EPC1: variants seen among roughly 807,000 people sequenced by gnomAD.
EPC1 encodes the protein enhancer of polycomb homolog 1.
EPC1 carries 12 observed loss-of-function variants against 98.4 expected under a neutral mutation model. That is an observed-to-expected ratio of 0.12 (90% CI 0.08 to 0.20). EPC1 has a LOEUF of 0.20. Ranked by LOEUF, EPC1 falls within the 10% of genes least tolerant of loss-of-function variation. EPC1 has a pLI of 1.00. For missense variants in EPC1, 729 were observed against 990.5 expected, an observed-to-expected ratio of 0.74 and a Z score of 3.54; for synonymous variants, 357 against 363.9, an observed-to-expected ratio of 0.98 and a Z score of 0.21.
intron 1 of EPC1, among the ~76,000 whole-genome samples, chr10:32,356,681 C>A (rs190780830): frequency 1.3e-5 from 2 of 152,132 alleles, no homozygotes; most frequent in Non-Finnish European, 2.9e-5. Context: ...GTGGTGCCTG[C>A]GCACGTTGAT....
At chr10:32,327,269 T>C (rs756487229) in intron 1 of EPC1, among the ~76,000 whole-genome samples, 2 of 152,174 alleles carry the variant, frequency 1.3e-5, no homozygotes, top group African/African-American at 4.8e-5. Context: ...TCATAGAAGT[T>C]GAGGGAAGAA....
upstream of EPC1, chr10:32,347,225 G>A (rs1004321055): frequency 6.5e-6 from 8 of 1,224,260 alleles, no homozygotes; most frequent in African/African-American, 1.6e-5. Flanking sequence ...ACGCGGGCGG[G>A]GGGAGGGAGC....
chr10:32,377,392 C>G (rs1839891895), intron 1 of EPC1: 1 of 152,154 alleles, frequency 6.6e-6, no homozygotes, highest in Non-Finnish European at 1.5e-5. Flanking sequence ...TGAAAATACA[C>G]TAACACATAT....
chr10:32,286,754 G>T lies in EPC1; in HGVS notation c.1331C>A (p.Thr444Asn). 1 of 1,614,110 alleles carries T rather than the reference G, an allele frequency of 6.2e-7. No homozygotes were observed. Among genetic ancestry groups the T allele is most frequent in the Non-Finnish European group, 8.5e-7 (1 of 1,180,024 alleles). The change falls in exon 9 of 14, where the codon ACT becomes AAT. Residue 444 changes from threonine to asparagine, a missense_variant. By Grantham distance (65) the Thr-to-Asn change is moderately conservative (BLOSUM62 0). Transcript: ENST00000319778. ...AATACACCTTTGGGGTACGGTGAGA[G>T]TAGTTAAGCAGTATCTATATCGCAC... ...GDVRYRYCLT[T>N]LTVPQRCIGF...
At chr10:32,298,244 A>C (rs956042298) in intron 2 of EPC1, among the ~76,000 whole-genome samples, 1 of 152,234 alleles carries the variant, frequency 6.6e-6, no homozygotes, top group African/African-American at 2.4e-5. Flanking sequence ...ATAGAGATGG[A>C]ATGTAAGTGT....
chr10:32,275,219 A>G (rs548102582), intron 10 of EPC1, among the ~76,000 whole-genome samples: 37 of 152,264 alleles, frequency 2.4e-4, no homozygotes, highest in Non-Finnish European at 5.0e-4. Flanking sequence ...TTAGAAATCA[A>G]TGTGAATAAA....
intron 1 of EPC1, among the ~76,000 whole-genome samples, chr10:32,360,204 G>C (rs1592637133): frequency 6.6e-6 from 1 of 152,006 alleles, no homozygotes; most frequent in Non-Finnish European, 1.5e-5. Flanking sequence ...TAGTAGGTTT[G>C]TATCATTCAT....
chr10:32,373,061 A>G (rs72791684), intron 1 of EPC1, among the ~76,000 whole-genome samples: 13 of 152,274 alleles, frequency 8.5e-5, no homozygotes, highest in South Asian at 4.1e-4. Flanking sequence ...GAGAACACCA[A>G]TTTTACAAAT....
chr10:32,373,445 G>C (rs1453506010), intron 1 of EPC1, among the ~76,000 whole-genome samples: 1 of 152,070 alleles, frequency 6.6e-6, no homozygotes, highest in East Asian at 1.9e-4. Flanking sequence ...TTTACATAAA[G>C]CAATTAAGTG....
Position 32,293,757 on chromosome 10 carries a change from G to A in EPC1, c.314-20C>T. On this transcript the variant is annotated intron_variant, in intron 2 of 13. Coordinates refer to ENST00000319778, the MANE Select transcript of EPC1 (RefSeq NM_001272004.3). ...TAAAAGCTGACAGAAGGAACCATATGCAATCATTTACTGTGTGAATTCACC... is the reference window on the plus strand; with the variant it reads ...TAAAAGCTGACAGAAGGAACCATATACAATCATTTACTGTGTGAATTCACC... 3 of 1,604,128 alleles carry A rather than the reference G, an allele frequency of 1.9e-6. No homozygotes were observed. The highest frequency in any genetic ancestry group is 2.6e-6 in the Non-Finnish European group (3 of 1,174,690).
At chr10:32,297,426 C>CT (rs1262836602) in intron 2 of EPC1, among the ~76,000 whole-genome samples, 1 of 151,880 alleles carries the variant, frequency 6.6e-6, no homozygotes, top group Non-Finnish European at 1.5e-5. Context: ...GCTGGGATTA[C>CT]ACATGTCTGC....
intron 1 of EPC1, among the ~76,000 whole-genome samples, chr10:32,367,142 C>A (rs1839625007): frequency 1.3e-5 from 2 of 152,122 alleles, no homozygotes; most frequent in Non-Finnish European, 2.9e-5. Flanking sequence ...ATTACAGGCG[C>A]CAGCCACCAC....
intron 2 of EPC1, among the ~76,000 whole-genome samples, chr10:32,303,638 T>G (rs1313433344): frequency 2.0e-5 from 3 of 152,118 alleles, no homozygotes; most frequent in Non-Finnish European, 2.9e-5. Context: ...GGTCAGGGGA[T>G]GGGGAGAGGC....
intron 2 of EPC1, among the ~76,000 whole-genome samples, chr10:32,294,661 G>A (rs1355751312): frequency 6.6e-6 from 1 of 152,178 alleles, no homozygotes; most frequent in African/African-American, 2.4e-5. Flanking sequence ...TGCAAGAACC[G>A]CTGCTACTAT....
chr10:32,365,863 A>C (rs1202667937), intron 1 of EPC1, among the ~76,000 whole-genome samples: 65 of 126,250 alleles, frequency 5.1e-4, no homozygotes, highest in African/African-American at 1.7e-3. Flanking sequence ...GACAGGTGCA[A>C]TGGCTCAAAC....
rs1037161184 is a variant in EPC1, at chr10:32,324,028, T to C, written c.154-18097A>G. Among the ~76,000 whole-genome samples the C allele has an allele frequency of 5.1e-4, 78 of 152,172 alleles. 1 individual carries two copies. Among genetic ancestry groups the C allele is most frequent in the Non-Finnish European group, 9.1e-4 (62 of 67,982 alleles). On this transcript the variant is annotated intron_variant, in intron 1 of 13. Coordinates refer to ENST00000319778, the MANE Select transcript of EPC1 (RefSeq NM_001272004.3). Reference sequence around the variant, plus strand: ...TCGGCTCACTGCAAGCTCCGCCTCCTAGGTTCACGTCATTCTCCTGCTTCA... The same window carrying C: ...TCGGCTCACTGCAAGCTCCGCCTCCCAGGTTCACGTCATTCTCCTGCTTCA...
At chr10:32,328,139 TATCAA>T (rs1324225216) in intron 1 of EPC1, among the ~76,000 whole-genome samples, 1 of 151,570 alleles carries the variant, frequency 6.6e-6, no homozygotes, top group South Asian at 2.1e-4. Flanking sequence ...AAAGGAAGAG[TATCAA>T]ATCAAATCAA....
chr10:32,342,970 T>C (rs978118561), intron 1 of EPC1, among the ~76,000 whole-genome samples: 2 of 152,196 alleles, frequency 1.3e-5, no homozygotes, highest in South Asian at 2.1e-4. Flanking sequence ...TGCGAAGCCG[T>C]AGCACAAGAT....
chr10:32,335,425 G>C (rs979913931), intron 1 of EPC1, among the ~76,000 whole-genome samples: 4 of 151,804 alleles, frequency 2.6e-5, no homozygotes, highest in Non-Finnish European at 4.4e-5. Context: ...CCCTCATCTT[G>C]CCCTAACTGA....
Sources: gnomAD v4.1 joint callset for allele counts (sites outside exome capture counted in the v4.1 genomes callset) on GRCh38, gnomAD v4.1.1 for gene constraint, MANE v1.5 for transcripts, NCBI Gene and HGNC (gene_info 2026-07-23, HGNC 2026-07-21) for gene names.